GLG1: variants seen among roughly 807,000 people sequenced by gnomAD.
The protein encoded by GLG1 is golgi glycoprotein 1.
A neutral mutation model predicts 160.5 loss-of-function variants in GLG1; 38 were observed. The ratio of observed to expected loss-of-function variants is 0.24; its 90% CI spans 0.18 to 0.31. The LOEUF is 0.31. Among genes scored for constraint, GLG1 ranks in the 10% least tolerant of loss-of-function variants. The pLI is 1.00. For missense variants in GLG1, 1,373 were observed against 1,505.2 expected, an observed-to-expected ratio of 0.91 and a Z score of 1.45; for synonymous variants, 644 against 543.4, an observed-to-expected ratio of 1.19 and a Z score of -2.57.
chr16:74,517,641 A>C (rs1484501266), intron 2 of GLG1, among the ~76,000 whole-genome samples: 2 of 152,198 alleles, frequency 1.3e-5, no homozygotes, highest in Non-Finnish European at 2.9e-5. Context: ...AACCAGCAAA[A>C]GACAAGGATG....
At chr16:74,486,663 T>C (rs1342134865) in intron 8 of GLG1, among the ~76,000 whole-genome samples, 1 of 152,112 alleles carries the variant, frequency 6.6e-6, no homozygotes, top group East Asian at 1.9e-4. Flanking sequence ...TTAAGGCACT[T>C]GGGGCATAGA....
chr16:74,484,276 C>T (rs144787588), intron 9 of GLG1, among the ~76,000 whole-genome samples: 22 of 152,208 alleles, frequency 1.4e-4, no homozygotes, highest in African/African-American at 5.1e-4. Flanking sequence ...CAAATGCAGG[C>T]TATAAAGATT....
intron 12 of GLG1, among the ~76,000 whole-genome samples, chr16:74,476,764 G>A (rs149900975): frequency 2.6e-5 from 4 of 152,236 alleles, no homozygotes; most frequent in Admixed American, 2.6e-4. Flanking sequence ...TAGATGGAGA[G>A]GCTATATAAT....
chr16:74,526,969 G>A (rs1277412194), intron 2 of GLG1, among the ~76,000 whole-genome samples: 1 of 152,022 alleles, frequency 6.6e-6, no homozygotes, highest in Non-Finnish European at 1.5e-5. Flanking sequence ...CTGTGTTTTG[G>A]GTAAAGTGCT....
chr16:74,507,539 C>T (rs889253774), intron 3 of GLG1, among the ~76,000 whole-genome samples: 8 of 152,040 alleles, frequency 5.3e-5, no homozygotes, highest in African/African-American at 1.9e-4. Flanking sequence ...GATTTGAGAC[C>T]AGCCTGGCCA....
intron 1 of GLG1, among the ~76,000 whole-genome samples, chr16:74,586,391 C>T (rs1958053241): frequency 6.6e-6 from 1 of 152,124 alleles, no homozygotes; most frequent in South Asian, 2.1e-4. Context: ...TTATTATTAG[C>T]TCAACTCAAT....
intron 7 of GLG1, among the ~76,000 whole-genome samples, chr16:74,491,599 C>T (rs2015987875): frequency 6.6e-6 from 1 of 152,056 alleles, no homozygotes; most frequent in South Asian, 2.1e-4. Flanking sequence ...TATAAGCTCC[C>T]CCAACTTCTT....
intron 1 of GLG1, among the ~76,000 whole-genome samples, chr16:74,572,106 T>C (rs2018844302): frequency 6.6e-6 from 1 of 152,116 alleles, no homozygotes; most frequent in Non-Finnish European, 1.5e-5. Flanking sequence ...AAGGCATGAT[T>C]GGAGGGTTGG....
chr16:74,485,906 C>T lies in GLG1; in HGVS notation c.1461G>A (p.Leu487=). Residue 487 remains leucine (L), a synonymous_variant, in exon 9 of 26, where the codon CTG becomes CTA. Transcript: ENST00000422840. ...CTGCACCAGGGTCAGTCTCCTGAAT[C>T]AGTGTTTGAAGCTGAATTAAAATAA... ...GMNCQQALQT[L]IQETDPGADY... The T allele has an allele frequency of 1.9e-6, 3 of 1,611,998 alleles. No homozygotes were observed. The highest frequency in any genetic ancestry group is 2.5e-6 in the Non-Finnish European group (3 of 1,178,644).
chr16:74,475,583 G>A (rs974124923), intron 12 of GLG1, among the ~76,000 whole-genome samples: 3 of 152,208 alleles, frequency 2.0e-5, no homozygotes, highest in African/African-American at 4.8e-5. Context: ...GGAGCTATCT[G>A]TAGCATTAGT....
Position 74,459,764 on chromosome 16 carries a change from G to A in GLG1, c.3062C>T (p.Ala1021Val). 1 of 1,604,958 alleles carries A rather than the reference G, an allele frequency of 6.2e-7. No homozygotes were observed. The highest frequency in any genetic ancestry group is 8.5e-7 in the Non-Finnish European group (1 of 1,173,108). ...DEISSLCAEE[A>V]AAQEQTGQVE... ...CTGACCTGTCTGCTCTTGGGCTGCT[G>A]CTTCTTCAGCACATAGACTGGAGAT... The change falls in exon 23 of 26, where the codon GCA (alanine) becomes GTA (valine). Residue 1021 changes from alanine to valine, a missense_variant. Physicochemically the swap from Ala to Val is moderately conservative, Grantham distance 64. Around this residue, in one of 4 missense-constraint regions of GLG1, gnomAD observed 491 missense variants for 632.1 expected, o/e 0.78. Coordinates refer to ENST00000422840, the MANE Select transcript of GLG1 (RefSeq NM_001145667.2).
Position 74,592,045 on chromosome 16 carries a change from A to G in GLG1, c.438+14612T>C, listed in dbSNP as rs148757250. 1.4e-3 allele frequency among the ~76,000 whole-genome samples: 218 copies of G among 152,308 alleles called. 1 individual carries two copies. The South Asian group carries it at 0.015, about 11-fold the overall frequency. On this transcript the variant is annotated intron_variant, in intron 1 of 25. Transcript: ENST00000422840. ...AGAGTTGGGCTCTCACCGTATTGCC[A>G]AACTGGTCTCAAACCTCTGGCTTAT...
At chr16:74,597,197 C>G (rs1241039653) in intron 1 of GLG1, among the ~76,000 whole-genome samples, 1 of 151,702 alleles carries the variant, frequency 6.6e-6, no homozygotes, top group East Asian at 1.9e-4. Flanking sequence ...CTTTGGGAGG[C>G]CGAGGCGGGA....
intron 4 of GLG1, among the ~76,000 whole-genome samples, chr16:74,498,471 A>ATATATATATATATATATATATTATT (rs2016291781): frequency 3.1e-5 from 1 of 32,380 alleles, no homozygotes; most frequent in Non-Finnish European, 7.2e-5. Flanking sequence ...TATATATTAT[A>ATATATATATATATATATATATTATT]TTTTATATAT....
At chr16:74,488,598 A>AT (rs1481474455) in intron 8 of GLG1, among the ~76,000 whole-genome samples, 1 of 151,908 alleles carries the variant, frequency 6.6e-6, no homozygotes, top group South Asian at 2.1e-4. Context: ...GGCTAAATTT[A>AT]TTTTTTATTT....
chr16:74,458,500 C>T (rs949216605), intron 23 of GLG1, among the ~76,000 whole-genome samples: 1 of 151,902 alleles, frequency 6.6e-6, no homozygotes, highest in Non-Finnish European at 1.5e-5. Context: ...GCAAGACCCC[C>T]ATCTCTATAG....
At position 74,580,259 on chromosome 16, in the gene GLG1, G is replaced by C. The variant is rs931427196; in HGVS notation, c.438+26398C>G. Among the ~76,000 whole-genome samples the C allele has an allele frequency of 1.3e-5, 2 of 152,010 alleles. 1 individual carries two copies. Among genetic ancestry groups the C allele is most frequent in the Admixed American group, 1.3e-4 (2 of 15,240 alleles). ...AGCACTTTGGGAGGCTGAGGTGGGA[G>C]GATTGCTTGAGCCCAGGAGTTTGAG... On this transcript the variant is annotated intron_variant, in intron 1 of 25. Coordinates refer to ENST00000422840, the MANE Select transcript of GLG1 (RefSeq NM_001145667.2).
chr16:74,491,429 T>G (rs561354267), intron 7 of GLG1, among the ~76,000 whole-genome samples: 1 of 152,314 alleles, frequency 6.6e-6, no homozygotes, highest in South Asian at 2.1e-4. Context: ...CTGTTCTGCA[T>G]GAAACAGGTT....
At chr16:74,457,378 C>T (rs898756203) in intron 24 of GLG1, among the ~76,000 whole-genome samples, 3 of 152,158 alleles carry the variant, frequency 2.0e-5, no homozygotes, top group African/African-American at 4.8e-5. Context: ...GCCTGGGTGA[C>T]AGAGTGAGAC....
Sources: allele counts gnomAD v4.1 joint callset (sites outside exome capture counted in the v4.1 genomes callset), GRCh38; gene constraint gnomAD v4.1.1; regional missense constraint gnomAD v4.1.1; transcripts MANE v1.5; gene names NCBI Gene and HGNC (gene_info 2026-07-23, HGNC 2026-07-21).